Variants in HDAC9 observed in about 807,000 individuals in gnomAD.
The protein encoded by HDAC9 is histone deacetylase 9.
Under a neutral mutation model 139.4 loss-of-function variants are expected in HDAC9, and 41 were observed. The observed-to-expected ratio is 0.29, with a 90% CI of 0.23 to 0.38. The LOEUF is 0.38. Among genes scored for constraint, HDAC9 ranks in the 10% least tolerant of loss-of-function variants. The pLI, the probability that HDAC9 is intolerant of heterozygous loss-of-function variation, is 1.00. For missense variants in HDAC9, 1,147 were observed against 1,297.0 expected, an observed-to-expected ratio of 0.88 and a Z score of 1.78; for synonymous variants, 517 against 476.2, an observed-to-expected ratio of 1.09 and a Z score of -1.12.
intron 2 of HDAC9, among the ~76,000 whole-genome samples, chr7:18,187,700 A>T (rs892462334): frequency 1.9e-4 from 29 of 152,174 alleles, no homozygotes; most frequent in African/African-American, 6.3e-4. Flanking sequence ...AGCCTAATCC[A>T]TACAGTGTTG....
intron 1 of HDAC9, among the ~76,000 whole-genome samples, chr7:18,111,471 T>G (rs1783615537): frequency 6.6e-6 from 1 of 152,076 alleles, no homozygotes; most frequent in Admixed American, 6.5e-5. Flanking sequence ...TCGGTATCTG[T>G]GGTGGATTGG....
intron 1 of HDAC9, among the ~76,000 whole-genome samples, chr7:18,310,966 A>T (rs1431407459): frequency 6.6e-6 from 1 of 151,986 alleles, no homozygotes; most frequent in Non-Finnish European, 1.5e-5. Context: ...TATATTATTG[A>T]TGGTTATTTA....
intron 2 of HDAC9, among the ~76,000 whole-genome samples, chr7:18,240,013 G>A (rs1052367530): frequency 1.7e-4 from 25 of 148,076 alleles, no homozygotes; most frequent in African/African-American, 4.7e-4. Context: ...AGAAAACTTC[G>A]GTGTTTCTAA....
chr7:18,445,704 A>G (rs1402727801), intron 1 of HDAC9, among the ~76,000 whole-genome samples: 1 of 152,244 alleles, frequency 6.6e-6, no homozygotes, highest in Non-Finnish European at 1.5e-5. Flanking sequence ...AGCTGTTTAT[A>G]GATAGCCATG....
chr7:18,223,850 T>C (rs573779057), intron 2 of HDAC9, among the ~76,000 whole-genome samples: 3 of 152,294 alleles, frequency 2.0e-5, no homozygotes, highest in African/African-American at 7.2e-5. Flanking sequence ...CTTTATTTTG[T>C]CTTTAAAACT....
rs554712292 is a variant in HDAC9, at chr7:18,792,384, T to A, written c.2215-961T>A. Among the ~76,000 whole-genome samples the A allele has an allele frequency of 3.3e-5, 5 of 152,168 alleles. No individual in the cohort carries two copies. The East Asian group carries it at 9.6e-4, about 29-fold the overall frequency. On this transcript the variant is annotated intron_variant, in intron 16 of 25. Coordinates refer to ENST00000686413, the MANE Select transcript of HDAC9 (RefSeq NM_178425.4). ...TCTATTTCCTGGTGCTTCAAATAAC[T>A]TATGTGTCCTAAAATTAGAGACTTC... is the stretch of plus-strand genomic sequence containing the variant.
intron 1 of HDAC9, among the ~76,000 whole-genome samples, chr7:18,330,140 A>G (rs962778040): frequency 1.3e-5 from 2 of 151,634 alleles, no homozygotes; most frequent in African/African-American, 4.8e-5. Context: ...TGCTTGCCAA[A>G]TGAAGATTTA....
chr7:18,488,161 C>G (rs755189697), intron 1 of HDAC9, among the ~76,000 whole-genome samples: 3 of 151,920 alleles, frequency 2.0e-5, no homozygotes, highest in Non-Finnish European at 4.4e-5. Flanking sequence ...TTTCTTGAAA[C>G]AGAGCTTTCC....
At chr7:18,339,456 G>A (rs928565781) in intron 1 of HDAC9, among the ~76,000 whole-genome samples, 1 of 151,098 alleles carries the variant, frequency 6.6e-6, no homozygotes. Flanking sequence ...ATTTTGATAT[G>A]TTTTCATTTT....
rs547428520 is a variant in HDAC9, at chr7:18,171,554, C to T, written c.25+9205C>T. On this transcript the variant is annotated intron_variant, in intron 2 of 12. Coordinates refer to the HDAC9 transcript ENST00000417496. ...TCAAAGGGAATGCTTCCAGTTTTTG[C>T]CCATTCAGTATGATATTGGCTGTGG... 3.3e-5 allele frequency among the ~76,000 whole-genome samples: 5 copies of T among 152,248 alleles called. No homozygotes were observed. The East Asian group carries it at 9.6e-4, about 29-fold the overall frequency.
chr7:18,855,826 A>G (rs1475597178), intron 21 of HDAC9, among the ~76,000 whole-genome samples: 1 of 152,018 alleles, frequency 6.6e-6, no homozygotes, highest in African/African-American at 2.4e-5. Context: ...CCCAGCCTTT[A>G]TGGTACCAAG....
chr7:18,594,336 T>G (rs1831860763), intron 6 of HDAC9, among the ~76,000 whole-genome samples: 2 of 152,154 alleles, frequency 1.3e-5, no homozygotes, highest in Non-Finnish European at 2.9e-5. Flanking sequence ...ATCTAACTCT[T>G]CTCCATTAGA....
chr7:18,250,699 C>T (rs1245549082), intron 2 of HDAC9, among the ~76,000 whole-genome samples: 1 of 152,214 alleles, frequency 6.6e-6, no homozygotes, highest in African/African-American at 2.4e-5. Context: ...AATCACCACA[C>T]TGTCTTCCAC....
rs58030908 is a variant in HDAC9, at chr7:18,960,009, A to AACACACACACACAC, written c.3022+5799_3022+5812dup. ...GTATAGCTAATCCTCTGTTGTTTTA[A>AACACACACACACAC]ACACACACACACACACACACACACA... On this transcript the variant is annotated intron_variant, in intron 24 of 25. Transcript: ENST00000686413. Among the ~76,000 whole-genome samples, 468 of 149,010 alleles carry AACACACACACACAC rather than the reference A, an allele frequency of 3.1e-3. 3 individuals carry two copies. The highest frequency in any genetic ancestry group is 0.01 in the Middle Eastern group (3 of 286).
chr7:18,705,183 A>G (rs377112195), intron 12 of HDAC9, among the ~76,000 whole-genome samples: 1 of 152,144 alleles, frequency 6.6e-6, no homozygotes, highest in Non-Finnish European at 1.5e-5. Context: ...TTAGAGTAGG[A>G]TTTCTCAGCC....
At chr7:18,683,278 T>G (rs78055218) in intron 12 of HDAC9, among the ~76,000 whole-genome samples, 2,589 of 149,954 alleles carry the variant, frequency 0.017, 72 homozygotes, top group African/African-American at 0.061. Flanking sequence ...GTCCTAAAAT[T>G]CTAAATGAAA....
chr7:18,936,881 G>A (rs923638687), intron 23 of HDAC9, among the ~76,000 whole-genome samples: 5 of 151,588 alleles, frequency 3.3e-5, no homozygotes, highest in Non-Finnish European at 5.9e-5. Context: ...AGAACACATA[G>A]TTACTATTGT....
chr7:18,448,059 T>TC (rs1367512306), intron 1 of HDAC9, among the ~76,000 whole-genome samples: 1 of 152,098 alleles, frequency 6.6e-6, no homozygotes, highest in Non-Finnish European at 1.5e-5. Flanking sequence ...CAGGCTGGTC[T>TC]CCAACTCCAA....
chr7:18,390,611 C>T (rs1353546796), intron 1 of HDAC9, among the ~76,000 whole-genome samples: 2 of 152,110 alleles, frequency 1.3e-5, no homozygotes, highest in African/African-American at 2.4e-5. Flanking sequence ...AATTACTGTA[C>T]GTTGTTCAAA....
Sources: allele counts gnomAD v4.1 joint callset (sites outside exome capture counted in the v4.1 genomes callset), GRCh38; gene constraint gnomAD v4.1.1; transcripts MANE v1.5; gene names NCBI Gene and HGNC (gene_info 2026-07-23, HGNC 2026-07-21).